The following POU4F3 variants were observed in gnomAD, a reference collection of about 807,000 sequenced individuals.
POU4F3 encodes the protein POU class 4 homeobox 3.
Under a neutral mutation model 22.0 loss-of-function variants are expected in POU4F3, and 7 were observed. The ratio of observed to expected loss-of-function variants is 0.32; its 90% CI spans 0.18 to 0.60. POU4F3 has a LOEUF of 0.60. POU4F3 is among the 20% of genes least tolerant of loss of function. POU4F3 has a pLI of 0.85. For synonymous variants in POU4F3, 220 were observed against 194.5 expected (o/e 1.13, Z -1.09); for missense variants, 457 against 467.4 (o/e 0.98, Z 0.21).
chr5:146,340,300 C>T lies in POU4F3; in HGVS notation c.873C>T (p.Ala291=), dbSNP rs1376674084. The part of the protein sequence containing the change: ...IAAPEKRSLE[A]YFAIQPRPSS... Reference sequence around the variant, plus strand: ...CGCCGGAGAAGCGTTCACTCGAGGCCTATTTCGCTATCCAGCCACGTCCTT... The same window carrying T: ...CGCCGGAGAAGCGTTCACTCGAGGCTTATTTCGCTATCCAGCCACGTCCTT... The change falls in exon 2 of 2, where the codon GCC becomes GCT. Residue 291 remains alanine (A), a synonymous_variant. Coordinates refer to ENST00000646991, the MANE Select transcript of POU4F3 (RefSeq NM_002700.3). The T allele has an allele frequency of 6.2e-7, 1 of 1,614,222 alleles. No individual in the cohort carries two copies. Among genetic ancestry groups the T allele is most frequent in the Non-Finnish European group, 8.5e-7 (1 of 1,180,042 alleles).
Position 146,340,525 on chromosome 5 carries a change from C to G in POU4F3, c.*81C>G, listed in dbSNP as rs1233194101. 3 of 1,571,300 alleles carry G rather than the reference C, an allele frequency of 1.9e-6. No individual in the cohort carries two copies. The African/African-American group carries it at 4.1e-5, about 21-fold the overall frequency. Reference sequence around the variant, plus strand: ...GTTCGGGGGATGGTTATCGGGAACTCCAAGGCGTTTCCTAGGCAGGTTAGG... The same window carrying G: ...GTTCGGGGGATGGTTATCGGGAACTGCAAGGCGTTTCCTAGGCAGGTTAGG... On this transcript the variant is annotated 3_prime_UTR_variant, in exon 2 of 2. Coordinates refer to ENST00000646991, the MANE Select transcript of POU4F3 (RefSeq NM_002700.3).
rs779266926 is a variant in POU4F3 at position 146,339,193 on chromosome 5, C to T, written c.81C>T (p.Gly27=). ...CCAAATTCTCCAGTCTGCACTCTGG[C>T]TCCGAGGCCATGCGCCGAGTCTGTC... ...QEPKFSSLHS[G]SEAMRRVCLP... The change falls in exon 1 of 2, where the codon GGC becomes GGT. Residue 27 remains glycine (G), a synonymous_variant. Transcript: ENST00000646991. This position sits in a 1 kb window ranked among gnomAD's most constrained non-coding sequence, Gnocchi z 4.7. 1.1e-5 allele frequency: 18 copies of T among 1,614,132 alleles called. No homozygotes were observed. The East Asian group carries it at 2.7e-4, about 24-fold the overall frequency.
chr5:146,339,202 C>T lies in POU4F3; in HGVS notation c.90C>T (p.Ala30=), dbSNP rs28994879. Residue 30 remains alanine (A), a synonymous_variant, in exon 1 of 2, where the codon GCC becomes GCT. Transcript: ENST00000646991. This position sits in a 1 kb window ranked among gnomAD's most constrained non-coding sequence, Gnocchi z 4.7. ...CCAGTCTGCACTCTGGCTCCGAGGCCATGCGCCGAGTCTGTCTCCCAGCCC... is the reference window on the plus strand; with the variant it reads ...CCAGTCTGCACTCTGGCTCCGAGGCTATGCGCCGAGTCTGTCTCCCAGCCC... The part of the protein sequence containing the change: ...KFSSLHSGSE[A]MRRVCLPAPQ... 58,762 of 1,614,208 alleles carry T rather than the reference C, an allele frequency of 0.036. 1,312 individuals are homozygous for T. The highest frequency in any genetic ancestry group is 0.041 in the Non-Finnish European group (48,055 of 1,180,010).
Position 146,340,658 on chromosome 5 carries a change from A to T in POU4F3, c.*214A>T, listed in dbSNP as rs1034104656. The T allele has an allele frequency of 4.6e-6, 3 of 648,442 alleles. No individual in the cohort carries two copies. The highest frequency in any genetic ancestry group is 7.9e-6 in the Non-Finnish European group (3 of 379,028). The allele number at this position is 648,442 out of a possible 1,614,324, so 40.2% of individuals were successfully genotyped here. The stretch of plus-strand genomic sequence containing the variant: ...ACCAAAAAAATTTTGGCGCTGGGAA[A>T]ATATTGCAGAAGGGCGGGCCTGAGT... On this transcript the variant is annotated 3_prime_UTR_variant, in exon 2 of 2. Coordinates refer to ENST00000646991, the MANE Select transcript of POU4F3 (RefSeq NM_002700.3).
chr5:146,338,938 C>T lies in POU4F3; in HGVS notation c.-175C>T. On this transcript the variant is annotated 5_prime_UTR_variant, in exon 1 of 2. Coordinates refer to ENST00000646991, the MANE Select transcript of POU4F3 (RefSeq NM_002700.3). ...GAGCACGCCTGCGCGCGCCCGGGCC[C>T]TTCCTGGCAGGCTGCTTGTAAGATG... 8.9e-7 allele frequency: 1 copy of T among 1,123,186 alleles called. No homozygotes were observed. The highest frequency in any genetic ancestry group is 1.4e-5 in the South Asian group (1 of 71,736). The allele number at this position is 1,123,186 out of a possible 1,614,324, so 69.6% of individuals were successfully genotyped here.
In POU4F3 at chr5:146,339,588, T is replaced by G. The variant is rs750777898; in HGVS notation, c.161T>G (p.Leu54Arg). 1.2e-6 allele frequency: 2 copies of G among 1,614,250 alleles called. No individual in the cohort carries two copies. The highest frequency in any genetic ancestry group is 1.1e-5 in the South Asian group (1 of 91,090). The change falls in exon 2 of 2, where the codon CTG (leucine) becomes CGG (arginine). Residue 54 changes from leucine to arginine, a missense_variant. By Grantham distance (102) the Leu-to-Arg change is moderately radical (BLOSUM62 -2). Transcript: ENST00000646991. This position sits in a 1 kb window ranked among gnomAD's most constrained non-coding sequence, Gnocchi z 4.7. The stretch of plus-strand genomic sequence containing the variant: ...TTTGGAAGCTTTGATGAGAGCCTGC[T>G]GGCACGCGCCGAAGCTCTGGCGGCG... ...NIFGSFDESL[L>R]ARAEALAAVD...
In POU4F3 at chr5:146,340,532, G is replaced by T. The variant is rs1353885606; in HGVS notation, c.*88G>T. The T allele has an allele frequency of 3.2e-6, 5 of 1,543,600 alleles. No homozygotes were observed. The highest frequency in any genetic ancestry group is 2.7e-5 in the African/African-American group (2 of 73,452). ...GGATGGTTATCGGGAACTCCAAGGC[G>T]TTTCCTAGGCAGGTTAGGCTCTCTC... On this transcript the variant is annotated 3_prime_UTR_variant, in exon 2 of 2. Transcript: ENST00000646991.
Position 146,339,975 on chromosome 5 carries a change from A to T in POU4F3, c.548A>T (p.Asp183Val). 6.2e-7 allele frequency: 1 copy of T among 1,612,360 alleles called. No individual in the cohort carries two copies. ...GCATGCCTCAGCGACGTGGAGTCAG[A>T]CCCGCGCGAGCTGGAAGCCTTCGCC... The part of the protein sequence containing the change: ...MPACLSDVES[D>V]PRELEAFAER... Residue 183 changes from aspartate (D) to valine (V), a missense_variant, in exon 2 of 2, where the codon GAC becomes GTC. Physicochemically the swap from Asp to Val is radical, Grantham distance 152 (BLOSUM62 -3). Around this residue, in one of 2 missense-constraint regions of POU4F3, gnomAD observed 410 missense variants for 385.0 expected, o/e 1.06. Coordinates refer to ENST00000646991, the MANE Select transcript of POU4F3 (RefSeq NM_002700.3). This position sits in a 1 kb window ranked among gnomAD's most constrained non-coding sequence, Gnocchi z 4.7.
Position 146,339,349 on chromosome 5 carries a change from C to T in POU4F3, c.120+117C>T. 6.4e-7 allele frequency: 1 copy of T among 1,551,752 alleles called. No individual in the cohort carries two copies. Among genetic ancestry groups the T allele is most frequent in the African/African-American group, 1.4e-5 (1 of 73,654 alleles). ...CTGTCTGAACCCCTCTCCTTGTCTC[C>T]CCCGCGTTCTCTCCCGGCGCGCTCT... On this transcript the variant is annotated intron_variant, in intron 1 of 1. Coordinates refer to ENST00000646991, the MANE Select transcript of POU4F3 (RefSeq NM_002700.3). This position sits in a 1 kb window ranked among gnomAD's most constrained non-coding sequence, Gnocchi z 4.7.
chr5:146,340,168 G>C lies in POU4F3; in HGVS notation c.741G>C (p.Val247=), dbSNP rs771372041. 2.0e-5 allele frequency: 33 copies of C among 1,614,056 alleles called. No individual in the cohort carries two copies. The highest frequency in any genetic ancestry group is 3.4e-6 in the Non-Finnish European group (4 of 1,180,034). ...ACAACATGATCGCTCTCAAGCCGGTGCTCCAGGCCTGGTTGGAGGAGGCCG... is the reference window on the plus strand; with the variant it reads ...ACAACATGATCGCTCTCAAGCCGGTCCTCCAGGCCTGGTTGGAGGAGGCCG... The part of the protein sequence containing the change: ...SHNNMIALKP[V]LQAWLEEAEA... Residue 247 remains valine, a synonymous_variant, in exon 2 of 2, where the codon GTG becomes GTC. Transcript: ENST00000646991.
At position 146,339,218 on chromosome 5, in the gene POU4F3, C is replaced by T; in HGVS notation, c.106C>T (p.Leu36Phe). 1 of 1,614,226 alleles carries T rather than the reference C, an allele frequency of 6.2e-7. No individual in the cohort carries two copies. Among genetic ancestry groups the T allele is most frequent in the Non-Finnish European group, 8.5e-7 (1 of 1,180,036 alleles). ...SGSEAMRRVC[L>F]PAPQLQGNIF... ...CTCCGAGGCCATGCGCCGAGTCTGTCTCCCAGCCCCGCAGGTACGTAGTGG... is the reference window on the plus strand; with the variant it reads ...CTCCGAGGCCATGCGCCGAGTCTGTTTCCCAGCCCCGCAGGTACGTAGTGG... The change falls in exon 1 of 2, where the codon CTC becomes TTC. Residue 36 changes from leucine (L) to phenylalanine (F), a missense_variant. By Grantham distance (22) the Leu-to-Phe change is conservative. Transcript: ENST00000646991. This position sits in a 1 kb window ranked among gnomAD's most constrained non-coding sequence, Gnocchi z 4.7.
At position 146,339,341 on chromosome 5, in the gene POU4F3, C is replaced by T. The variant is rs1285026293; in HGVS notation, c.120+109C>T. 2 of 1,563,124 alleles carry T rather than the reference C, an allele frequency of 1.3e-6. No individual in the cohort carries two copies. The highest frequency in any genetic ancestry group is 1.7e-5 in the Admixed American group (1 of 59,808). Reference sequence around the variant, plus strand: ...AATCGCCGCTGTCTGAACCCCTCTCCTTGTCTCCCCCGCGTTCTCTCCCGG... The same window carrying T: ...AATCGCCGCTGTCTGAACCCCTCTCTTTGTCTCCCCCGCGTTCTCTCCCGG... On this transcript the variant is annotated intron_variant, in intron 1 of 1. Transcript: ENST00000646991. This position sits in a 1 kb window ranked among gnomAD's most constrained non-coding sequence, Gnocchi z 4.7.
rs753663609 is a variant in POU4F3 at position 146,339,954 on chromosome 5, G to A, written c.527G>A (p.Cys176Tyr). The A allele has an allele frequency of 6.2e-7, 1 of 1,611,456 alleles. No individual in the cohort carries two copies. The highest frequency in any genetic ancestry group is 8.5e-7 in the Non-Finnish European group (1 of 1,179,934). ...GCCCCTCATAGCGCCATGCCTGCAT[G>A]CCTCAGCGACGTGGAGTCAGACCCG... ...TVAPHSAMPA[C>Y]LSDVESDPRE... The change falls in exon 2 of 2, where the codon TGC becomes TAC. Residue 176 changes from cysteine (C) to tyrosine (Y), a missense_variant. By Grantham distance (194) the Cys-to-Tyr change is radical (BLOSUM62 -2). This residue lies in a region of POU4F3 where 410 missense variants were observed against 385.0 expected (regional missense o/e 1.06). Coordinates refer to ENST00000646991, the MANE Select transcript of POU4F3 (RefSeq NM_002700.3). This position sits in a 1 kb window ranked among gnomAD's most constrained non-coding sequence, Gnocchi z 4.7.
chr5:146,340,489 A>C lies in POU4F3; in HGVS notation c.*45A>C. ...CGGGAGCCGGGAGAGCCTAGTGCTC[A>C]TCCCTCCCGGGTTCGGGGGATGGTT... On this transcript the variant is annotated 3_prime_UTR_variant, in exon 2 of 2. Transcript: ENST00000646991. 6.2e-7 allele frequency: 1 copy of C among 1,610,900 alleles called. No individual in the cohort carries two copies. Among genetic ancestry groups the C allele is most frequent in the South Asian group, 1.1e-5 (1 of 90,974 alleles).
In POU4F3 at chr5:146,340,425, A is replaced by C. The variant is rs1378113199; in HGVS notation, c.998A>C (p.Lys333Thr). ...CAGAGACAGAAACAGAAACGAATGAAGTATTCGGCTGTCCACTGATTGCGG... is the reference window on the plus strand; with the variant it reads ...CAGAGACAGAAACAGAAACGAATGACGTATTCGGCTGTCCACTGATTGCGG... ...CNQRQKQKRM[K>T]YSAVH Residue 333 changes from lysine to threonine, a missense_variant, in exon 2 of 2, where the codon AAG (lysine) becomes ACG (threonine). Physicochemically the swap from Lys to Thr is moderately conservative, Grantham distance 78 (BLOSUM62 -1). Coordinates refer to ENST00000646991, the MANE Select transcript of POU4F3 (RefSeq NM_002700.3). The C allele has an allele frequency of 6.2e-7, 1 of 1,614,212 alleles. No individual in the cohort carries two copies. Among genetic ancestry groups the C allele is most frequent in the Admixed American group, 1.7e-5 (1 of 60,026 alleles).
At position 146,340,155 on chromosome 5, in the gene POU4F3, C is replaced by T. The variant is rs373030800; in HGVS notation, c.728C>T (p.Ala243Val). Residue 243 changes from alanine to valine, a missense_variant, in exon 2 of 2, where the codon GCT becomes GTT. Coordinates refer to ENST00000646991, the MANE Select transcript of POU4F3 (RefSeq NM_002700.3). The stretch of plus-strand genomic sequence containing the variant: ...ACTCTCTCGCACAACAACATGATCG[C>T]TCTCAAGCCGGTGCTCCAGGCCTGG... ...SLTLSHNNMI[A>V]LKPVLQAWLE... The T allele has an allele frequency of 1.2e-6, 2 of 1,614,202 alleles. No individual in the cohort carries two copies. The highest frequency in any genetic ancestry group is 8.5e-7 in the Non-Finnish European group (1 of 1,180,034).
rs1760438069 is a variant in POU4F3, at chr5:146,340,438, C to T, written c.1011C>T (p.Val337=). 1 of 1,613,984 alleles carries T rather than the reference C, an allele frequency of 6.2e-7. No individual in the cohort carries two copies. The highest frequency in any genetic ancestry group is 1.1e-5 in the South Asian group (1 of 91,090). The change falls in exon 2 of 2, where the codon GTC becomes GTT. Residue 337 remains valine (V), a synonymous_variant. Transcript: ENST00000646991. Reference sequence around the variant, plus strand: ...AGAAACGAATGAAGTATTCGGCTGTCCACTGATTGCGGCAGGGCGCAGCGT... The same window carrying T: ...AGAAACGAATGAAGTATTCGGCTGTTCACTGATTGCGGCAGGGCGCAGCGT... ...QKQKRMKYSA[V]H is the part of the protein sequence containing the mutation.
chr5:146,339,426 C>G lies in POU4F3; in HGVS notation c.121-122C>G. ...ACGTCTGTTCCAGCAGAGCCGCTGC[C>G]TCCGTATTAATTTTTATGACCTGGG... is the stretch of plus-strand genomic sequence containing the variant. On this transcript the variant is annotated intron_variant, in intron 1 of 1. Transcript: ENST00000646991. The surrounding 1 kb of genome is among the most constrained non-coding windows in gnomAD (Gnocchi z 4.7). 1 of 1,498,616 alleles carries G rather than the reference C, an allele frequency of 6.7e-7. No homozygotes were observed. The highest frequency in any genetic ancestry group is 9.2e-7 in the Non-Finnish European group (1 of 1,087,816). The allele number at this position is 1,498,616 out of a possible 1,614,324, so 92.8% of individuals were successfully genotyped here.
rs759671802 is a variant in POU4F3, at chr5:146,339,056, C to A, written c.-57C>A. On this transcript the variant is annotated 5_prime_UTR_variant, in exon 1 of 2. Coordinates refer to ENST00000646991, the MANE Select transcript of POU4F3 (RefSeq NM_002700.3). This position sits in a 1 kb window ranked among gnomAD's most constrained non-coding sequence, Gnocchi z 4.7. ...CAGCGCTCACTTGGAGAGCGGCAAG[C>A]AAGCTAGACAAGCCTGATTCCATGT... 5.0e-6 allele frequency: 8 copies of A among 1,606,738 alleles called. No homozygotes were observed. The highest frequency in any genetic ancestry group is 6.8e-6 in the Non-Finnish European group (8 of 1,176,828).
Sources: gnomAD v4.1 joint callset for allele counts on GRCh38, gnomAD v4.1.1 for gene constraint, gnomAD v4.1.1 regional missense constraint, Gnocchi (gnomAD v3.1) non-coding constraint, MANE v1.5 for transcripts, NCBI Gene and HGNC (gene_info 2026-07-23, HGNC 2026-07-21) for gene names.